Variants in PDE5A observed in about 807,000 individuals in gnomAD.
The protein encoded by PDE5A is phosphodiesterase 5A, also known as cGMP-specific 3',5'-cyclic phosphodiesterase.
PDE5A carries 67 observed loss-of-function variants against 110.2 expected under a neutral mutation model. That is an observed-to-expected ratio of 0.61 (90% CI 0.50 to 0.75). The LOEUF is 0.75. Ranked by LOEUF, PDE5A falls within the 30% of genes least tolerant of loss-of-function variation. The probability of loss-of-function intolerance (pLI) is 0.00; values close to 1 mark genes in which losing one functional copy is unlikely to be tolerated. For synonymous variants in PDE5A, 328 were observed against 351.2 expected (o/e 0.93, Z 0.74); for missense variants, 862 against 1,045.1 (o/e 0.82, Z 2.42).
intron 1 of PDE5A, among the ~76,000 whole-genome samples, chr4:119,616,914 G>A (rs1177790432): frequency 6.6e-6 from 1 of 152,086 alleles, no homozygotes; most frequent in Non-Finnish European, 1.5e-5. Flanking sequence ...AATGAAAAGT[G>A]TGGCACTCTT....
At chr4:119,613,910 A>C (rs1454259691) in intron 1 of PDE5A, among the ~76,000 whole-genome samples, 1 of 152,058 alleles carries the variant, frequency 6.6e-6, no homozygotes, top group Non-Finnish European at 1.5e-5. Flanking sequence ...TATTCCAGGT[A>C]CTATACCCTA....
chr4:119,597,562 G>C (rs1729195333), intron 2 of PDE5A, among the ~76,000 whole-genome samples: 1 of 152,050 alleles, frequency 6.6e-6, no homozygotes, highest in African/African-American at 2.4e-5. Flanking sequence ...ACATCTGAAT[G>C]AGTGCTGTTC....
intron 1 of PDE5A, among the ~76,000 whole-genome samples, chr4:119,622,123 G>A (rs180808452): frequency 1.4e-3 from 207 of 151,130 alleles, no homozygotes; most frequent in African/African-American, 4.9e-3. Context: ...GTGGTGAGCC[G>A]AGATCACGCC....
At chr4:119,552,482 A>G (rs1197946047) in intron 9 of PDE5A, 68 bp downstream of exon 9, 1 of 544,336 alleles carries the variant, frequency 1.8e-6, no homozygotes, top group Non-Finnish European at 3.1e-6. Context: ...CATTTGAAAG[A>G]AAGAAGTATA....
intron 11 of PDE5A, among the ~76,000 whole-genome samples, chr4:119,534,535 T>C (rs1269244567): frequency 2.0e-5 from 3 of 151,662 alleles, no homozygotes; most frequent in East Asian, 3.9e-4. Flanking sequence ...CCTGGAAAAA[T>C]TGTCTTCCAC....
intron 3 of PDE5A, among the ~76,000 whole-genome samples, chr4:119,569,303 G>T (rs902901567): frequency 1.3e-5 from 2 of 152,020 alleles, no homozygotes; most frequent in Non-Finnish European, 1.5e-5. Context: ...GCCTCCCAAA[G>T]TGCTGGGATT....
At chr4:119,576,993 T>A (rs1428214103) in intron 3 of PDE5A, among the ~76,000 whole-genome samples, 1 of 151,946 alleles carries the variant, frequency 6.6e-6, no homozygotes, top group Non-Finnish European at 1.5e-5. Context: ...CAATAAAAAA[T>A]GATAAAGGGG....
In PDE5A at chr4:119,498,689, C is replaced by T. The variant is rs1345692649; in HGVS notation, c.2540G>A (p.Arg847Lys). ...GGCCTGCCATTTCTGCCTGTTCTTT[C>T]TGCAGCCATCTAGCAAAGGGAAACA... The part of the protein sequence containing the change: ...EDCFPLLDGC[R>K]KNRQKWQALA... Residue 847 changes from arginine to lysine, a missense_variant, in exon 21 of 21, where the codon AGA becomes AAA. By Grantham distance (26) the Arg-to-Lys change is conservative. Transcript: ENST00000354960. The T allele has an allele frequency of 6.2e-7, 1 of 1,613,950 alleles. No homozygotes were observed. Among genetic ancestry groups the T allele is most frequent in the East Asian group, 2.2e-5 (1 of 44,880 alleles).
rs369086565 is a variant in PDE5A at position 119,542,769 on chromosome 4, C to A, written c.1397-135G>T. ...TAGTATGTCGAAATAAGCAAATTAACCCCCACAAATATAAGCTAGAGAAGT... is the reference window on the plus strand; with the variant it reads ...TAGTATGTCGAAATAAGCAAATTAAACCCCACAAATATAAGCTAGAGAAGT... On this transcript the variant is annotated intron_variant, in intron 9 of 20. Coordinates refer to ENST00000354960, the MANE Select transcript of PDE5A (RefSeq NM_001083.4). 22 of 712,810 alleles carry A rather than the reference C, an allele frequency of 3.1e-5. No homozygotes were observed. The East Asian group carries it at 5.3e-4, about 17-fold the overall frequency. 44.2% of individuals were successfully genotyped at this position (712,810 alleles called of 1,614,324 possible).
chr4:119,584,463 T>C (rs1464206209), intron 3 of PDE5A, among the ~76,000 whole-genome samples: 1 of 152,200 alleles, frequency 6.6e-6, no homozygotes, highest in Admixed American at 6.5e-5. Context: ...CTAAACCTAC[T>C]AAACAGAAGT....
chr4:119,555,285 G>T (rs1311979166), intron 7 of PDE5A, among the ~76,000 whole-genome samples: 1 of 152,162 alleles, frequency 6.6e-6, no homozygotes, highest in Non-Finnish European at 1.5e-5. Context: ...AATAGTAAAT[G>T]AACTTTAAAT....
At chr4:119,587,596 G>A (rs111486891) in intron 3 of PDE5A, among the ~76,000 whole-genome samples, 3,737 of 152,180 alleles carry the variant, frequency 0.025, 57 homozygotes, top group South Asian at 0.052. Context: ...TTGTTAGCCA[G>A]GATGGTCTCG....
intron 19 of PDE5A, among the ~76,000 whole-genome samples, chr4:119,502,120 A>G (rs1725367206): frequency 6.6e-6 from 1 of 152,086 alleles, no homozygotes; most frequent in Non-Finnish European, 1.5e-5. Context: ...TTTCTCTGTC[A>G]GCCACAGCTT....
chr4:119,587,371 T>A (rs1222360649), intron 3 of PDE5A, among the ~76,000 whole-genome samples: 1 of 123,540 alleles, frequency 8.1e-6, no homozygotes, highest in Non-Finnish European at 1.7e-5. Flanking sequence ...CCCGGCTAAT[T>A]TTTTTGTATT....
chr4:119,543,043 CAT>C (rs1726999058), intron 9 of PDE5A: 1 of 170,536 alleles, frequency 5.9e-6, no homozygotes, highest in Admixed American at 6.5e-5. Context: ...AGAAGTTAAA[CAT>C]ACACACACAC....
intron 5 of PDE5A, among the ~76,000 whole-genome samples, chr4:119,564,821 G>C (rs1187755815): frequency 6.6e-6 from 1 of 152,094 alleles, no homozygotes; most frequent in African/African-American, 2.4e-5. Context: ...CATGGTTGTA[G>C]AACAGTATAT....
intron 3 of PDE5A, among the ~76,000 whole-genome samples, chr4:119,579,447 C>T (rs1373267469): frequency 1.3e-5 from 2 of 152,058 alleles, no homozygotes; most frequent in African/African-American, 4.8e-5. Flanking sequence ...CCCAAATGTC[C>T]AACAATGATA....
Position 119,507,634 on chromosome 4 carries a change from ATAGC to A in PDE5A, c.2155_2158del (p.Ala719PhefsTer2), listed in dbSNP as rs1725599144. 6.3e-7 allele frequency: 1 copy of A among 1,582,396 alleles called. No homozygotes were observed. The highest frequency in any genetic ancestry group is 8.6e-7 in the Non-Finnish European group (1 of 1,168,658). On this transcript the variant is annotated frameshift_variant, in exon 16 of 21. Coordinates refer to ENST00000354960, the MANE Select transcript of PDE5A (RefSeq NM_001083.4). LOFTEE classifies it high-confidence loss of function. ...GTACAGTGCTAGGTCTGTAGCTAAA[ATAGC>A]TTGCTTGATTATTTTCAACGTGGTC...
intron 15 of PDE5A, among the ~76,000 whole-genome samples, chr4:119,508,915 TAAC>T (rs897193948): frequency 6.6e-6 from 1 of 152,040 alleles, no homozygotes; most frequent in African/African-American, 2.4e-5. Flanking sequence ...ATATATTAAG[TAAC>T]AACATATTAC....
Sources: allele counts gnomAD v4.1 joint callset (sites outside exome capture counted in the v4.1 genomes callset), GRCh38; gene constraint gnomAD v4.1.1; transcripts MANE v1.5; gene names NCBI Gene and HGNC (gene_info 2026-07-23, HGNC 2026-07-21).